The following ZNF385D variants were observed in gnomAD, a reference collection of about 807,000 sequenced individuals.
The protein encoded by ZNF385D is zinc finger protein 659.
ZNF385D carries 15 observed loss-of-function variants against 35.8 expected under a neutral mutation model. The ratio of observed to expected loss-of-function variants is 0.42; its 90% CI spans 0.28 to 0.64. The LOEUF (loss-of-function observed/expected upper bound fraction) is 0.64, where lower values mean the gene tolerates loss of function less well. ZNF385D is among the 30% of genes least tolerant of loss of function. The pLI is 0.23. For missense variants in ZNF385D, 474 were observed against 494.6 expected (o/e 0.96, Z 0.39); for synonymous variants, 212 against 186.8 (o/e 1.13, Z -1.10).
intron 3 of ZNF385D, among the ~76,000 whole-genome samples, chr3:21,541,486 G>A (rs1273382374): frequency 6.6e-6 from 1 of 152,156 alleles, no homozygotes; most frequent in African/African-American, 2.4e-5. Flanking sequence ...ATAGGGCTCA[G>A]TAAAAATTAG....
At chr3:22,160,081 A>C (rs1705849062) in intron 3 of ZNF385D, among the ~76,000 whole-genome samples, 1 of 152,122 alleles carries the variant, frequency 6.6e-6, no homozygotes, top group South Asian at 2.1e-4. Flanking sequence ...CACCTTGTGA[A>C]GAAGGTGCCT....
At chr3:22,030,284 T>TATCCTATACAAATAACAAATAGG (rs1553591320) in intron 3 of ZNF385D, among the ~76,000 whole-genome samples, 1 of 98,564 alleles carries the variant, frequency 1.0e-5, no homozygotes, top group Non-Finnish European at 2.1e-5. Flanking sequence ...TATATATATA[T>TATCCTATACAAATAACAAATAGG]ATATATATAT....
rs1188492874 is a variant in ZNF385D, at chr3:22,048,266, G to GA, written c.325+120550dup. 1.2e-4 allele frequency among the ~76,000 whole-genome samples: 18 copies of GA among 151,404 alleles called. No homozygotes were observed. In the East Asian group the frequency reaches 3.5e-3, roughly 29 times the overall value. ...TTTGCTGTAATCCCATTTGCTTTTG[G>GA]AAAAAAAGCCTATTTTTCCTTTTGT... is the stretch of plus-strand genomic sequence containing the variant. On this transcript the variant is annotated intron_variant, in intron 3 of 5. Transcript: ENST00000494108.
intron 3 of ZNF385D, among the ~76,000 whole-genome samples, chr3:22,028,936 T>C (rs1392297332): frequency 6.6e-6 from 1 of 152,148 alleles, no homozygotes; most frequent in Non-Finnish European, 1.5e-5. Context: ...ATACAATATA[T>C]GGTACTGTTT....
At chr3:21,966,591 T>G (rs971579772) in intron 3 of ZNF385D, among the ~76,000 whole-genome samples, 1 of 152,202 alleles carries the variant, frequency 6.6e-6, no homozygotes, top group Admixed American at 6.5e-5. Context: ...CTTGTTTGTT[T>G]GTTTGTTTGA....
At chr3:22,153,653 G>A (rs919850092) in intron 3 of ZNF385D, among the ~76,000 whole-genome samples, 1 of 151,804 alleles carries the variant, frequency 6.6e-6, no homozygotes, top group East Asian at 1.9e-4. Context: ...TAGTAGAGAT[G>A]GCATTTCACC....
intron 3 of ZNF385D, among the ~76,000 whole-genome samples, chr3:21,764,639 T>C (rs908026397): frequency 1.3e-5 from 2 of 152,274 alleles, no homozygotes; most frequent in East Asian, 1.9e-4. Context: ...TTAATGTTTT[T>C]AGCTGTCATG....
At chr3:22,211,103 C>T (rs17011013) in intron 2 of ZNF385D, among the ~76,000 whole-genome samples, 3 of 151,712 alleles carry the variant, frequency 2.0e-5, no homozygotes, top group South Asian at 4.1e-4. Flanking sequence ...AGCTGAAGAA[C>T]TGATTTAAGT....
chr3:22,085,413 A>C (rs1301990907), intron 3 of ZNF385D, among the ~76,000 whole-genome samples: 1 of 152,224 alleles, frequency 6.6e-6, no homozygotes, highest in East Asian at 1.9e-4. Context: ...GATCCCACGG[A>C]AATACAAACT....
intron 2 of ZNF385D, 39 bp downstream of exon 2, chr3:21,664,847 C>A: frequency 6.2e-7 from 1 of 1,612,656 alleles, no homozygotes; most frequent in Non-Finnish European, 8.5e-7. Flanking sequence ...TTTTCCAATA[C>A]CTTCCACTCA....
At chr3:21,768,501 T>C (rs1274602707) in intron 3 of ZNF385D, among the ~76,000 whole-genome samples, 2 of 151,890 alleles carry the variant, frequency 1.3e-5, no homozygotes, top group East Asian at 3.9e-4. Context: ...GGAGAATGCT[T>C]GGACAGTAAA....
intron 3 of ZNF385D, among the ~76,000 whole-genome samples, chr3:22,147,227 T>A (rs1704918047): frequency 6.6e-6 from 1 of 152,202 alleles, no homozygotes; most frequent in African/African-American, 2.4e-5. Flanking sequence ...TCCTAAACCA[T>A]TTCATTCTCT....
chr3:21,418,660 T>C lies in ZNF385D; in HGVS notation c.*2554A>G, dbSNP rs1700612639. The C allele has an allele frequency of 1.3e-5, 2 of 152,248 alleles. No homozygotes were observed. The highest frequency in any genetic ancestry group is 4.1e-4 in the South Asian group (2 of 4,826). 9.4% of individuals were successfully genotyped at this position (152,248 alleles called of 1,614,324 possible). On this transcript the variant is annotated 3_prime_UTR_variant, in exon 8 of 8. Coordinates refer to ENST00000281523, the MANE Select transcript of ZNF385D (RefSeq NM_024697.3). ...GTGACCCAGGACACTGTGTATCCCA[T>C]AGGCCCTGATTTTTAGTGGACTGGC... is the stretch of plus-strand genomic sequence containing the variant.
At chr3:22,102,813 C>A (rs779187) in intron 3 of ZNF385D, among the ~76,000 whole-genome samples, 1 of 151,070 alleles carries the variant, frequency 6.6e-6, no homozygotes, top group African/African-American at 2.4e-5. Context: ...CTGATCACTG[C>A]GAAAGGACTC....
chr3:22,271,373 G>C (rs1237504649), intron 2 of ZNF385D, among the ~76,000 whole-genome samples: 1 of 151,848 alleles, frequency 6.6e-6, no homozygotes, highest in Non-Finnish European at 1.5e-5. Context: ...TATTCAAAAA[G>C]GGTTGTCTAA....
chr3:21,949,344 CTG>C (rs1317132397), intron 3 of ZNF385D, among the ~76,000 whole-genome samples: 3 of 151,974 alleles, frequency 2.0e-5, no homozygotes, highest in Non-Finnish European at 4.4e-5. Context: ...ACTTGAGAAC[CTG>C]TGTTTCATCC....
chr3:21,967,564 G>T (rs1460632536), intron 3 of ZNF385D, among the ~76,000 whole-genome samples: 1 of 152,162 alleles, frequency 6.6e-6, no homozygotes, highest in Admixed American at 6.5e-5. Flanking sequence ...TTATAGAGGG[G>T]AGCTAAATTT....
At chr3:21,550,547 A>T (rs2062529612) in intron 3 of ZNF385D, among the ~76,000 whole-genome samples, 1 of 152,124 alleles carries the variant, frequency 6.6e-6, no homozygotes, top group Admixed American at 6.5e-5. Context: ...CAGTGGTGTG[A>T]TCTTGGCTTA....
At chr3:22,125,119 C>G (rs1281909013) in intron 3 of ZNF385D, among the ~76,000 whole-genome samples, 2 of 152,062 alleles carry the variant, frequency 1.3e-5, no homozygotes, top group African/African-American at 4.8e-5. Flanking sequence ...CAGCTAGTCC[C>G]ATTCTTTTGC....
Sources: allele counts gnomAD v4.1 joint callset (sites outside exome capture counted in the v4.1 genomes callset), GRCh38; gene constraint gnomAD v4.1.1; transcripts MANE v1.5; gene names NCBI Gene and HGNC (gene_info 2026-07-23, HGNC 2026-07-21).